INPP5K: variants seen among roughly 807,000 people sequenced by gnomAD.
INPP5K encodes inositol polyphosphate-5-phosphatase K, also known as inositol polyphosphate 5-phosphatase K.
INPP5K carries 35 observed loss-of-function variants against 53.5 expected under a neutral mutation model. The ratio of observed to expected loss-of-function variants is 0.65; its 90% CI spans 0.50 to 0.87. INPP5K has a LOEUF of 0.87. Among genes scored for constraint, INPP5K ranks in the 40% least tolerant of loss-of-function variants. The pLI, the probability that INPP5K is intolerant of heterozygous loss-of-function variation, is 0.00. For synonymous variants in INPP5K, 253 were observed against 232.8 expected, an observed-to-expected ratio of 1.09 and a Z score of -0.79; for missense variants, 550 against 586.2, an observed-to-expected ratio of 0.94 and a Z score of 0.64.
In INPP5K at chr17:1,496,084, C is replaced by A. The variant is rs150726981; in HGVS notation, c.1266G>T (p.Val422=). 4.3e-6 allele frequency: 7 copies of A among 1,612,042 alleles called. No individual in the cohort carries two copies. In the African/African-American group the frequency reaches 9.3e-5, roughly 21 times the overall value. ...CCTGGAAGGGTCTGCTTATCCCCAC[C>A]ACAGAACGCAGACTGTTGCTGTAGT... is the stretch of plus-strand genomic sequence containing the variant. ...LCYYSNSLRS[V]VGISRPFQIP... Residue 422 remains valine, a synonymous_variant, in exon 11 of 12, where the codon GTG becomes GTT. Transcript: ENST00000421807.
At position 1,515,834 on chromosome 17, in the gene INPP5K, A is replaced by T. The variant is rs2075420617; in HGVS notation, c.44+622T>A. 4.6e-6 allele frequency: 4 copies of T among 878,240 alleles called. No individual in the cohort carries two copies. The South Asian group carries it at 2.1e-4, about 46-fold the overall frequency. The allele number at this position is 878,240 out of a possible 1,614,324, so 54.4% of individuals were successfully genotyped here. On this transcript the variant is annotated intron_variant, in intron 1 of 11. Coordinates refer to ENST00000421807, the MANE Select transcript of INPP5K (RefSeq NM_016532.4). ...TTACGATCTCCCCCTGCTGTCCGAC[A>T]GAGGCTTAAGGAACAAAGACCTTTT...
rs78873367 is a variant in INPP5K at position 1,509,260 on chromosome 17, A to G, written c.472T>C (p.Tyr158His). ...CHLPPHISNN[Y>H]QRLEHFDRIL... Reference sequence around the variant, plus strand: ...CGGTCAAAGTGCTCCAGCCGCTGGTAATTGTTGGAAATGTGGGGAGGCAGG... The same window carrying G: ...CGGTCAAAGTGCTCCAGCCGCTGGTGATTGTTGGAAATGTGGGGAGGCAGG... The change falls in exon 5 of 12, where the codon TAC (tyrosine) becomes CAC (histidine). Residue 158 changes from tyrosine to histidine, a missense_variant. Tyr to His is a moderately conservative substitution (Grantham distance 83). Transcript: ENST00000421807. The G allele has an allele frequency of 1.2e-6, 2 of 1,614,090 alleles. No individual in the cohort carries two copies. Among genetic ancestry groups the G allele is most frequent in the African/African-American group, 1.3e-5 (1 of 75,002 alleles).
chr17:1,496,041 C>T lies in INPP5K; in HGVS notation c.1290+19G>A. The T allele has an allele frequency of 1.3e-6, 2 of 1,556,228 alleles. No individual in the cohort carries two copies. The highest frequency in any genetic ancestry group is 1.8e-6 in the Non-Finnish European group (2 of 1,127,880). ...GCTCAAGCCCTCACCCTTCCCCTTC[C>T]CTCACCAGCACTGCTTACCTGGAAG... On this transcript the variant is annotated intron_variant, in intron 11 of 11. Coordinates refer to ENST00000421807, the MANE Select transcript of INPP5K (RefSeq NM_016532.4).
intron 7 of INPP5K, among the ~76,000 whole-genome samples, chr17:1,500,199 C>A (rs1004738945): frequency 6.6e-6 from 1 of 152,214 alleles, no homozygotes; most frequent in African/African-American, 2.4e-5. Context: ...AGGAGTCTGA[C>A]CACCCCATCC....
chr17:1,495,034 CTG>C lies in INPP5K; in HGVS notation c.*787_*788del. 1 of 152,388 alleles carries C rather than the reference CTG, an allele frequency of 6.6e-6. No individual in the cohort carries two copies. Among genetic ancestry groups the C allele is most frequent in the Middle Eastern group, 3.4e-3 (1 of 294 alleles). The allele number at this position is 152,388 out of a possible 1,614,324, so 9.4% of individuals were successfully genotyped here. On this transcript the variant is annotated 3_prime_UTR_variant, in exon 12 of 12. Coordinates refer to ENST00000421807, the MANE Select transcript of INPP5K (RefSeq NM_016532.4). Reference sequence around the variant, plus strand: ...CTGCCAAGGACCACCCTGGAAAAGTCTGTGGCCACAGCTCCTTGACCACTTGT... The same window carrying C: ...CTGCCAAGGACCACCCTGGAAAAGTCTGGCCACAGCTCCTTGACCACTTGT...
At chr17:1,516,388 C>T (rs947343717) in intron 1 of INPP5K, 68 bp downstream of exon 1, 2 of 1,503,890 alleles carry the variant, frequency 1.3e-6, no homozygotes, top group South Asian at 1.2e-5. Context: ...TTGTCCACCC[C>T]CAGCCCGCAG....
Position 1,503,344 on chromosome 17 carries a change from C to T in INPP5K, c.776+3636G>A, listed in dbSNP as rs557372199. On this transcript the variant is annotated intron_variant, in intron 7 of 11. Coordinates refer to ENST00000421807, the MANE Select transcript of INPP5K (RefSeq NM_016532.4). ...GACTACAGGTGCCCGCCACCATGCCCGGCTAATTTTTTTTTATTTTTAGTA... is the reference window on the plus strand; with the variant it reads ...GACTACAGGTGCCCGCCACCATGCCTGGCTAATTTTTTTTTATTTTTAGTA... Among the ~76,000 whole-genome samples the T allele has an allele frequency of 5.3e-5, 8 of 152,052 alleles. No homozygotes were observed. The South Asian group carries it at 8.3e-4, about 16-fold the overall frequency.
intron 7 of INPP5K, among the ~76,000 whole-genome samples, 161 bp downstream of exon 7, chr17:1,506,819 G>A (rs185919032): frequency 3.8e-4 from 58 of 152,034 alleles, no homozygotes; most frequent in Non-Finnish European, 7.6e-4. Flanking sequence ...GGCTCCCCGA[G>A]TCAGCGCCTC....
Position 1,513,430 on chromosome 17 carries a change from G to A in INPP5K, c.261+23C>T, listed in dbSNP as rs202076650. On this transcript the variant is annotated intron_variant, in intron 3 of 11. Coordinates refer to ENST00000421807, the MANE Select transcript of INPP5K (RefSeq NM_016532.4). ...GGAGATGTGAAAACACAGTTGTCAAGTGCCAATGAACTGGCAAGTTACCTT... is the reference window on the plus strand; with the variant it reads ...GGAGATGTGAAAACACAGTTGTCAAATGCCAATGAACTGGCAAGTTACCTT... 4.0e-5 allele frequency: 63 copies of A among 1,563,322 alleles called. No individual in the cohort carries two copies. In the East Asian group the frequency reaches 1.4e-3, roughly 35 times the overall value.
chr17:1,501,817 G>A (rs2150982527), intron 7 of INPP5K, among the ~76,000 whole-genome samples: 1 of 151,688 alleles, frequency 6.6e-6, no homozygotes, highest in South Asian at 2.1e-4. Flanking sequence ...AGGAGTTCAA[G>A]ACCAGCCTGG....
At chr17:1,497,692 A>C in intron 8 of INPP5K, 2 of 456,930 alleles carry the variant, frequency 4.4e-6, no homozygotes, top group Non-Finnish European at 8.0e-6. Flanking sequence ...CATTAGCCCC[A>C]AGGGAGAATA....
chr17:1,497,830 T>G, intron 8 of INPP5K, 106 bp downstream of exon 8: 1 of 1,000,750 alleles, frequency 1.0e-6, no homozygotes. Context: ...CCTCCACAGG[T>G]CTCCCCTGGG....
At position 1,513,982 on chromosome 17, in the gene INPP5K, G is replaced by A. The variant is rs201367498; in HGVS notation, c.45-3C>T. On this transcript the variant is annotated splice_region_variant and splice_polypyrimidine_tract_variant and intron_variant, in intron 1 of 11. Coordinates refer to ENST00000421807, the MANE Select transcript of INPP5K (RefSeq NM_016532.4). Reference sequence around the variant, plus strand: ...CGTTCCAAGTCACGACGTGTATGCTGCGGAAGGGATGCAGAGGGAAGTCAT... The same window carrying A: ...CGTTCCAAGTCACGACGTGTATGCTACGGAAGGGATGCAGAGGGAAGTCAT... 2.7e-5 allele frequency: 44 copies of A among 1,601,218 alleles called. No homozygotes were observed. In the African/African-American group the frequency reaches 4.7e-4, roughly 17 times the overall value.
intron 7 of INPP5K, 75 bp downstream of exon 7, chr17:1,506,905 T>G: frequency 9.6e-6 from 10 of 1,037,708 alleles, no homozygotes; most frequent in South Asian, 2.8e-5. Context: ...ACTTCTATTC[T>G]GAGACAGTTC....
intron 1 of INPP5K, chr17:1,516,041 C>G: frequency 9.6e-7 from 1 of 1,040,786 alleles, no homozygotes; most frequent in East Asian, 9.1e-5. Flanking sequence ...AAGTCACTTC[C>G]CTAAAGGATC....
chr17:1,514,110 G>GA, intron 1 of INPP5K, 131 bp from the exon 2 acceptor site: 2 of 494,496 alleles, frequency 4.0e-6, no homozygotes, highest in Non-Finnish European at 3.6e-6. Flanking sequence ...ATCACCTGAG[G>GA]TCGGGAGTTC....
Position 1,509,717 on chromosome 17 carries a change from G to A in INPP5K, c.344C>T (p.Thr115Ile). The A allele has an allele frequency of 6.2e-7, 1 of 1,613,042 alleles. No homozygotes were observed. Among genetic ancestry groups the A allele is most frequent in the Non-Finnish European group, 8.5e-7 (1 of 1,179,096 alleles). ...QHLPYIQILSTKSTPTGLFGY... is the reference protein window; with the variant it reads ...QHLPYIQILSIKSTPTGLFGY... The stretch of plus-strand genomic sequence containing the variant: ...AAACAGGCCAGTGGGGGTGGATTTA[G>A]TAGACAGAATCTGGATATAGGGCAA... Residue 115 changes from threonine to isoleucine, a missense_variant, in exon 4 of 12, where the codon ACT becomes ATT. Physicochemically the swap from Thr to Ile is moderately conservative, Grantham distance 89 (BLOSUM62 -1). Coordinates refer to ENST00000421807, the MANE Select transcript of INPP5K (RefSeq NM_016532.4).
chr17:1,516,100 A>C (rs2075428601), intron 1 of INPP5K: 2 of 1,181,574 alleles, frequency 1.7e-6, no homozygotes. Flanking sequence ...GGGATCAGGC[A>C]GACCTCCTGA....
At chr17:1,503,991 T>G (rs948767473) in intron 7 of INPP5K, among the ~76,000 whole-genome samples, 3 of 152,210 alleles carry the variant, frequency 2.0e-5, no homozygotes, top group Non-Finnish European at 4.4e-5. Context: ...TTCTGCTTTC[T>G]GCGAAACTCT....
Sources: gnomAD v4.1 joint callset for allele counts (sites outside exome capture counted in the v4.1 genomes callset) on GRCh38, gnomAD v4.1.1 for gene constraint, MANE v1.5 for transcripts, NCBI Gene and HGNC (gene_info 2026-07-23, HGNC 2026-07-21) for gene names.